The following BLOC1S5 variants were observed in gnomAD, a reference collection of about 807,000 sequenced individuals.
BLOC1S5 encodes biogenesis of lysosome-related organelles complex 1 subunit 5.
BLOC1S5 carries 27 observed loss-of-function variants against 24.3 expected under a neutral mutation model. The ratio of observed to expected loss-of-function variants is 1.11; its 90% confidence interval spans 0.82 to 1.53. The LOEUF (loss-of-function observed/expected upper bound fraction) is 1.53. BLOC1S5 is among the 40% of genes most tolerant of loss of function. The probability of loss-of-function intolerance (pLI) is 0.00; values close to 1 mark genes in which losing one functional copy is unlikely to be tolerated. For missense variants in BLOC1S5, 239 were observed against 229.4 expected (o/e 1.04, Z -0.27); for synonymous variants, 84 against 74.5 (o/e 1.13, Z -0.66).
intron 2 of BLOC1S5, among the ~76,000 whole-genome samples, chr6:8,059,814 T>C (rs1255810841): frequency 6.6e-6 from 1 of 152,188 alleles, no homozygotes; most frequent in African/African-American, 2.4e-5. Flanking sequence ...ATCAAGTACT[T>C]TTCAAGAAAA....
chr6:8,061,301 T>G (rs896075672), intron 2 of BLOC1S5, among the ~76,000 whole-genome samples: 5 of 152,216 alleles, frequency 3.3e-5, no homozygotes, highest in African/African-American at 1.2e-4. Context: ...AAAAATTTTT[T>G]TTAAATGATG....
chr6:8,061,470 G>A (rs545856377), intron 2 of BLOC1S5, among the ~76,000 whole-genome samples: 72 of 152,170 alleles, frequency 4.7e-4, no homozygotes, highest in African/African-American at 1.7e-3. Context: ...ACTTGGCTAT[G>A]TACCTAGTTA....
chr6:8,026,344 T>A (rs9328452), intron 4 of BLOC1S5, 23 bp downstream of exon 4: 2 of 1,554,102 alleles, frequency 1.3e-6, no homozygotes, highest in Non-Finnish European at 1.8e-6. Flanking sequence ...ATTATATGCC[T>A]CATTATCTAA....
Position 8,026,346 on chromosome 6 carries a change from AT to A in BLOC1S5, c.384+20del. 1 of 1,566,508 alleles carries A rather than the reference AT, an allele frequency of 6.4e-7. No individual in the cohort carries two copies. The highest frequency in any genetic ancestry group is 8.8e-7 in the Non-Finnish European group (1 of 1,137,740). ...TAAAGATGCAAGAATTATATGCCTCATTATCTAAATGATCTTTTACCTTTTT... is the reference window on the plus strand; with the variant it reads ...TAAAGATGCAAGAATTATATGCCTCATATCTAAATGATCTTTTACCTTTTT... On this transcript the variant is annotated intron_variant, in intron 4 of 4. Transcript: ENST00000397457.
At chr6:8,036,854 G>A (rs911036678) in intron 3 of BLOC1S5, among the ~76,000 whole-genome samples, 5 of 152,116 alleles carry the variant, frequency 3.3e-5, no homozygotes, top group South Asian at 4.1e-4. Context: ...TCCCAGGAAT[G>A]GCAGGATGGT....
At chr6:8,036,738 G>A (rs1763502825) in intron 3 of BLOC1S5, among the ~76,000 whole-genome samples, 1 of 151,896 alleles carries the variant, frequency 6.6e-6, no homozygotes. Context: ...AAAACTACAG[G>A]CAATATCACT....
intron 2 of BLOC1S5, among the ~76,000 whole-genome samples, chr6:8,048,646 A>T (rs1200042994): frequency 6.6e-6 from 1 of 152,186 alleles, no homozygotes; most frequent in Non-Finnish European, 1.5e-5. Flanking sequence ...AATTTAATAT[A>T]TATTTTTTAA....
intron 3 of BLOC1S5, chr6:8,027,352 G>C (rs1210628493): frequency 4.4e-6 from 2 of 456,572 alleles, no homozygotes; most frequent in Non-Finnish European, 8.8e-6. Context: ...TTTGTGCCAG[G>C]CACTGTTCTT....
At position 8,042,278 on chromosome 6, in the gene BLOC1S5, G is replaced by A. The variant is rs563699904; in HGVS notation, c.196-1010C>T. Among the ~76,000 whole-genome samples the A allele has an allele frequency of 3.3e-5, 5 of 152,258 alleles. No individual in the cohort carries two copies. The East Asian group carries it at 9.6e-4, about 29-fold the overall frequency. On this transcript the variant is annotated intron_variant, in intron 2 of 4. Transcript: ENST00000397457. ...TATCATATAGCTTCTGTTATTATGT[G>A]CTATATTTTTTATCTGATTCCCTTT... is the stretch of plus-strand genomic sequence containing the variant.
rs1047148707 is a variant in BLOC1S5 at position 8,036,988 on chromosome 6, T to C, written c.325+4151A>G. Among the ~76,000 whole-genome samples, 5 of 152,200 alleles carry C rather than the reference T, an allele frequency of 3.3e-5. 1 individual carries two copies. In the South Asian group the frequency reaches 8.3e-4, roughly 25 times the overall value. On this transcript the variant is annotated intron_variant, in intron 3 of 4. Transcript: ENST00000397457. Reference sequence around the variant, plus strand: ...CAACAAACTGGGTATAAAAAGAACATAGCTCAAAATAGCTGTGGGCAAACC... The same window carrying C: ...CAACAAACTGGGTATAAAAAGAACACAGCTCAAAATAGCTGTGGGCAAACC...
At chr6:8,028,363 T>TAA (rs755121539) in intron 3 of BLOC1S5, among the ~76,000 whole-genome samples, 1 of 134,294 alleles carries the variant, frequency 7.4e-6, no homozygotes, top group East Asian at 4.0e-4. Context: ...AAGAAAATAT[T>TAA]TAAAAAAAAA....
chr6:8,049,367 G>A (rs557860527), intron 2 of BLOC1S5, among the ~76,000 whole-genome samples: 3 of 112,836 alleles, frequency 2.7e-5, no homozygotes, highest in South Asian at 7.7e-4. Flanking sequence ...GCAAGACTTC[G>A]TCTCAAAAAA....
At chr6:8,039,124 C>A (rs916681526) in intron 3 of BLOC1S5, among the ~76,000 whole-genome samples, 6 of 151,934 alleles carry the variant, frequency 3.9e-5, no homozygotes, top group African/African-American at 1.4e-4. Context: ...TGAATGAAAT[C>A]CCATCATCTG....
At chr6:8,038,303 AG>A (rs1763555618) in intron 3 of BLOC1S5, among the ~76,000 whole-genome samples, 1 of 152,204 alleles carries the variant, frequency 6.6e-6, no homozygotes, top group South Asian at 2.1e-4. Flanking sequence ...ACAACAATAT[AG>A]CAAAAATCCC....
chr6:8,032,242 T>C (rs897055359), intron 3 of BLOC1S5, among the ~76,000 whole-genome samples: 2 of 152,072 alleles, frequency 1.3e-5, no homozygotes, highest in African/African-American at 4.8e-5. Context: ...ATGCAGAGTC[T>C]ACAAAGAATT....
intron 4 of BLOC1S5, among the ~76,000 whole-genome samples, chr6:8,021,903 TA>T (rs1475551923): frequency 6.6e-6 from 1 of 152,178 alleles, no homozygotes; most frequent in Non-Finnish European, 1.5e-5. Context: ...TAATGAACTA[TA>T]ATGGTGTTAT....
intron 2 of BLOC1S5, among the ~76,000 whole-genome samples, chr6:8,054,807 G>GT (rs1410898394): frequency 1.3e-5 from 2 of 152,138 alleles, no homozygotes; most frequent in Admixed American, 6.5e-5. Context: ...CTTCAAGAAA[G>GT]TTTTTTTGAC....
intron 3 of BLOC1S5, among the ~76,000 whole-genome samples, chr6:8,030,120 A>T (rs1173309627): frequency 6.6e-6 from 1 of 152,194 alleles, no homozygotes; most frequent in Non-Finnish European, 1.5e-5. Context: ...TCTCCAGGAT[A>T]ACACAGAAAA....
chr6:8,036,723 AAG>A (rs1171721681), intron 3 of BLOC1S5, among the ~76,000 whole-genome samples: 1 of 152,178 alleles, frequency 6.6e-6, no homozygotes, highest in Non-Finnish European at 1.5e-5. Flanking sequence ...AGAATTAAAA[AAG>A]AGAAAACTAC....
Sources: allele counts gnomAD v4.1 joint callset (sites outside exome capture counted in the v4.1 genomes callset), GRCh38; gene constraint gnomAD v4.1.1; transcripts MANE v1.5; gene names NCBI Gene and HGNC (gene_info 2026-07-23, HGNC 2026-07-21).